The following EPHA6 variants were observed in gnomAD, a reference collection of about 807,000 sequenced individuals.
The protein encoded by EPHA6 is EPH receptor A6, also known as ephrin type-A receptor 6.
In EPHA6, 50 loss-of-function variants were observed where a neutral mutation model predicts 112.0. The observed-to-expected ratio is 0.45, with a 90% confidence interval of 0.36 to 0.56. The LOEUF (loss-of-function observed/expected upper bound fraction) is 0.56, where lower values mean the gene tolerates loss of function less well. Among genes scored for constraint, EPHA6 ranks in the 20% least tolerant of loss-of-function variants. EPHA6 has a pLI of 0.00. For synonymous variants in EPHA6, 529 were observed against 490.7 expected (o/e 1.08, Z -1.03); for missense variants, 1,280 against 1,417.4 (o/e 0.90, Z 1.56).
Position 97,483,871 on chromosome 3 carries a change from T to A in EPHA6, c.2075-63T>A, listed in dbSNP as rs77750453. ...GTATGTCATTTCCGGTTTTAAATGT[T>A]CACAAGATATAGACCACTGAGATAC... is the stretch of plus-strand genomic sequence containing the variant. On this transcript the variant is annotated intron_variant, in intron 9 of 17. Coordinates refer to ENST00000389672, the MANE Select transcript of EPHA6 (RefSeq NM_001080448.3). 3.4e-3 allele frequency: 5,003 copies of A among 1,466,472 alleles called. 169 individuals are homozygous for A. The African/African-American group carries it at 0.064, about 19-fold the overall frequency. 90.8% of individuals were successfully genotyped at this position (1,466,472 alleles called of 1,614,324 possible). A position where few individuals can be genotyped will look rare whatever the true frequency, so the allele number is the denominator to read the frequency against.
chr3:97,542,078 C>T (rs1379234170), intron 11 of EPHA6, among the ~76,000 whole-genome samples: 3 of 144,962 alleles, frequency 2.1e-5, no homozygotes, highest in Non-Finnish European at 4.5e-5. Flanking sequence ...CCTGTCTTGT[C>T]GCTTCATGTT....
chr3:97,016,282 T>C (rs1415121292), intron 3 of EPHA6, among the ~76,000 whole-genome samples: 3 of 152,174 alleles, frequency 2.0e-5, no homozygotes, highest in Non-Finnish European at 2.9e-5. Flanking sequence ...TCAACACTTC[T>C]GAATTTGAAT....
chr3:97,116,998 G>A (rs571321335), intron 3 of EPHA6, among the ~76,000 whole-genome samples: 2 of 151,510 alleles, frequency 1.3e-5, no homozygotes, highest in Admixed American at 6.6e-5. Context: ...AACACTTATC[G>A]TTTGTCTTTT....
At chr3:97,482,695 T>G (rs1172044381) in intron 9 of EPHA6, among the ~76,000 whole-genome samples, 1 of 152,254 alleles carries the variant, frequency 6.6e-6, no homozygotes, top group Non-Finnish European at 1.5e-5. Context: ...TGTTTGTTTT[T>G]GATTTTTTTG....
intron 10 of EPHA6, among the ~76,000 whole-genome samples, chr3:97,531,511 T>A (rs574580538): frequency 2.6e-5 from 4 of 152,156 alleles, no homozygotes; most frequent in Admixed American, 2.6e-4. Context: ...TCTCAAGGTC[T>A]AGCATAAGTT....
chr3:97,008,144 T>C, intron 3 of EPHA6, among the ~76,000 whole-genome samples: 1 of 152,300 alleles, frequency 6.6e-6, no homozygotes, highest in African/African-American at 2.4e-5. Context: ...AATTTGCATG[T>C]TGGTCTGTCT....
chr3:97,473,935 A>C (rs1389830044), intron 7 of EPHA6, among the ~76,000 whole-genome samples: 1 of 151,880 alleles, frequency 6.6e-6, no homozygotes, highest in African/African-American at 2.4e-5. Flanking sequence ...CTAAGTTCTA[A>C]TTCTAAGATT....
intron 5 of EPHA6, among the ~76,000 whole-genome samples, chr3:97,249,261 T>G (rs2079067017): frequency 6.6e-6 from 1 of 152,168 alleles, no homozygotes; most frequent in Non-Finnish European, 1.5e-5. Flanking sequence ...AATATTTCTG[T>G]CTTCAACAAA....
intron 1 of EPHA6, among the ~76,000 whole-genome samples, chr3:96,848,814 C>T (rs2107359525): frequency 6.6e-6 from 1 of 152,058 alleles, no homozygotes; most frequent in African/African-American, 2.4e-5. Flanking sequence ...TTTCCTTATT[C>T]TTAGGTCATC....
At chr3:97,130,838 C>T (rs553285590) in intron 3 of EPHA6, among the ~76,000 whole-genome samples, 6 of 152,130 alleles carry the variant, frequency 3.9e-5, no homozygotes, top group African/African-American at 9.6e-5. Flanking sequence ...CTTATTCTAC[C>T]GTGATTCACC....
At chr3:97,010,219 A>G (rs1333984585) in intron 3 of EPHA6, 1 of 575,306 alleles carries the variant, frequency 1.7e-6, no homozygotes, top group Non-Finnish European at 2.6e-6. Flanking sequence ...TCAAAGGGAA[A>G]TTCTAGATTA....
chr3:97,320,987 A>G (rs1279272850), intron 5 of EPHA6, among the ~76,000 whole-genome samples: 1 of 151,904 alleles, frequency 6.6e-6, no homozygotes, highest in Admixed American at 6.6e-5. Context: ...ACATTATGAA[A>G]CTATTGACCT....
chr3:97,597,885 G>C (rs113767285), intron 12 of EPHA6, among the ~76,000 whole-genome samples: 2,352 of 152,232 alleles, frequency 0.015, 72 homozygotes, highest in African/African-American at 0.054. Context: ...ATATTATCAA[G>C]TTTTGATGCA....
At chr3:97,255,281 T>C (rs757530020) in intron 5 of EPHA6, among the ~76,000 whole-genome samples, 21 of 151,974 alleles carry the variant, frequency 1.4e-4, no homozygotes, top group Non-Finnish European at 2.6e-4. Flanking sequence ...AAGAATGAGA[T>C]TCACAAAATT....
At chr3:97,035,252 C>T (rs1316121373) in intron 3 of EPHA6, among the ~76,000 whole-genome samples, 1 of 151,914 alleles carries the variant, frequency 6.6e-6, no homozygotes, top group African/African-American at 2.4e-5. Flanking sequence ...CTCCTCTCAG[C>T]TCCCTTTTCC....
intron 5 of EPHA6, among the ~76,000 whole-genome samples, chr3:97,299,651 G>A (rs947409023): frequency 1.3e-5 from 2 of 152,120 alleles, no homozygotes; most frequent in African/African-American, 4.8e-5. Flanking sequence ...CGTCCATGAT[G>A]TAGAATATAT....
intron 14 of EPHA6, among the ~76,000 whole-genome samples, chr3:97,693,247 T>C (rs1331708003): frequency 6.6e-6 from 1 of 152,158 alleles, no homozygotes; most frequent in Non-Finnish European, 1.5e-5. Context: ...GGGAAAACAC[T>C]GAGGATCATC....
At chr3:96,919,858 A>T (rs573024596) in intron 2 of EPHA6, among the ~76,000 whole-genome samples, 30 of 152,020 alleles carry the variant, frequency 2.0e-4, no homozygotes, top group Admixed American at 6.5e-4. Context: ...GAGTGCATAA[A>T]AGTCATAGTA....
chr3:97,408,267 C>T (rs1263004446), intron 6 of EPHA6, among the ~76,000 whole-genome samples: 1 of 152,014 alleles, frequency 6.6e-6, no homozygotes, highest in Non-Finnish European at 1.5e-5. Flanking sequence ...CAAAATGAGG[C>T]CGGGCACGGT....
Sources: gnomAD v4.1 joint callset for allele counts (sites outside exome capture counted in the v4.1 genomes callset) on GRCh38, gnomAD v4.1.1 for gene constraint, MANE v1.5 for transcripts, NCBI Gene and HGNC (gene_info 2026-07-23, HGNC 2026-07-21) for gene names.